The following ZNF385D variants were observed in gnomAD, a reference collection of about 807,000 sequenced individuals.
ZNF385D encodes zinc finger protein 385D.
A neutral mutation model predicts 35.8 loss-of-function variants in ZNF385D; 15 were observed. The observed-to-expected ratio is 0.42, with a 90% CI of 0.28 to 0.64. The LOEUF (loss-of-function observed/expected upper bound fraction) is 0.64, where lower values mean the gene tolerates loss of function less well. Ranked by LOEUF, ZNF385D falls within the 30% of genes least tolerant of loss-of-function variation. The probability of loss-of-function intolerance (pLI) is 0.23; values close to 1 mark genes in which losing one functional copy is unlikely to be tolerated. For missense variants in ZNF385D, 474 were observed against 494.6 expected (o/e 0.96, Z 0.39); for synonymous variants, 212 against 186.8 (o/e 1.13, Z -1.10).
intron 4 of ZNF385D, among the ~76,000 whole-genome samples, chr3:21,452,009 A>G (rs963539292): frequency 6.6e-6 from 1 of 152,040 alleles, no homozygotes; most frequent in Admixed American, 6.6e-5. Context: ...TTTCTGCACA[A>G]ATATTGCTAA....
At chr3:21,788,820 C>G (rs2071805161) in intron 3 of ZNF385D, among the ~76,000 whole-genome samples, 1 of 152,158 alleles carries the variant, frequency 6.6e-6, no homozygotes, top group African/African-American at 2.4e-5. Flanking sequence ...GATCCAACAA[C>G]TGTAGAAGTT....
intron 3 of ZNF385D, among the ~76,000 whole-genome samples, chr3:21,954,174 TTAA>T (rs1375480625): frequency 2.0e-5 from 3 of 151,914 alleles, no homozygotes; most frequent in Admixed American, 1.3e-4. Context: ...CTTTGCTGTG[TTAA>T]TAATTCTCTC....
chr3:21,456,101 G>C (rs1208734213), intron 4 of ZNF385D, among the ~76,000 whole-genome samples: 2 of 152,176 alleles, frequency 1.3e-5, no homozygotes, highest in Non-Finnish European at 2.9e-5. Flanking sequence ...TGCTGGAGAG[G>C]ATGTGGAGAA....
At chr3:22,171,730 A>G (rs1248495607) in intron 2 of ZNF385D, among the ~76,000 whole-genome samples, 2 of 151,868 alleles carry the variant, frequency 1.3e-5, no homozygotes, top group African/African-American at 4.8e-5. Flanking sequence ...ACAAGAAATT[A>G]GCCGGGCGTG....
At chr3:22,291,499 CTA>C (rs1488967875) in intron 2 of ZNF385D, among the ~76,000 whole-genome samples, 3 of 151,732 alleles carry the variant, frequency 2.0e-5, no homozygotes, top group Non-Finnish European at 4.4e-5. Flanking sequence ...AATAGCTTTC[CTA>C]TATATCTTTT....
intron 3 of ZNF385D, among the ~76,000 whole-genome samples, chr3:22,151,629 T>C (rs954928787): frequency 6.6e-6 from 1 of 152,128 alleles, no homozygotes; most frequent in African/African-American, 2.4e-5. Flanking sequence ...GTTTGCTCTA[T>C]TAAGGACTTC....
intron 4 of ZNF385D, among the ~76,000 whole-genome samples, chr3:21,454,868 G>C (rs977184700): frequency 6.6e-5 from 10 of 152,144 alleles, no homozygotes; most frequent in African/African-American, 2.4e-4. Flanking sequence ...ATCGCCTTAA[G>C]CTGATAAGCA....
At chr3:21,684,400 CTCTCCTCTCTCT>C (rs756723065) in intron 1 of ZNF385D, among the ~76,000 whole-genome samples, 7,408 of 78,360 alleles carry the variant, frequency 0.095, 317 homozygotes, top group East Asian at 0.15. Context: ...CTCTCTCTCT[CTCTCCTCTCTCT>C]CTCTCTCTCT....
chr3:21,787,783 C>T (rs946250602), intron 3 of ZNF385D, among the ~76,000 whole-genome samples: 1 of 151,580 alleles, frequency 6.6e-6, no homozygotes, highest in African/African-American at 2.4e-5. Flanking sequence ...TTCAGAGAGG[C>T]AATGTTAGGG....
intron 3 of ZNF385D, among the ~76,000 whole-genome samples, chr3:21,765,177 T>C (rs1292342184): frequency 6.6e-6 from 1 of 152,078 alleles, no homozygotes; most frequent in African/African-American, 2.4e-5. Context: ...AGGATACGCA[T>C]GTATAATCTC....
chr3:21,649,218 T>A (rs60445541), intron 2 of ZNF385D, among the ~76,000 whole-genome samples: 18,777 of 152,166 alleles, frequency 0.12, 1,230 homozygotes, highest in East Asian at 0.14. Flanking sequence ...TGACATTATA[T>A]GTTTATTTAT....
intron 2 of ZNF385D, among the ~76,000 whole-genome samples, chr3:22,354,995 G>T (rs921757866): frequency 1.3e-5 from 2 of 151,880 alleles, no homozygotes; most frequent in African/African-American, 4.8e-5. Context: ...AACATTGTTT[G>T]TACCCTTTAT....
chr3:21,595,455 T>C (rs1425180728), intron 2 of ZNF385D, among the ~76,000 whole-genome samples: 1 of 149,344 alleles, frequency 6.7e-6, no homozygotes, highest in African/African-American at 2.4e-5. Flanking sequence ...ATATGTAATA[T>C]GTATATGTAA....
intron 3 of ZNF385D, among the ~76,000 whole-genome samples, chr3:21,837,722 A>G (rs12629137): frequency 0.2 from 31,090 of 151,796 alleles, 3,325 homozygotes; most frequent in East Asian, 0.29. Flanking sequence ...AAATATAAAA[A>G]TTAGCTGGGT....
chr3:22,044,337 C>T (rs888681416), intron 3 of ZNF385D, among the ~76,000 whole-genome samples: 3 of 152,062 alleles, frequency 2.0e-5, no homozygotes, highest in Admixed American at 1.3e-4. Context: ...ATGTTTAGTA[C>T]ATGTCCTAAA....
intron 2 of ZNF385D, among the ~76,000 whole-genome samples, chr3:22,185,109 A>G (rs1217495996): frequency 6.6e-6 from 1 of 152,162 alleles, no homozygotes; most frequent in African/African-American, 2.4e-5. Context: ...ATAATCTACC[A>G]ATGAGAGAGC....
chr3:21,942,502 C>T (rs918690196), intron 3 of ZNF385D: 7 of 152,142 alleles, frequency 4.6e-5, no homozygotes, highest in African/African-American at 1.7e-4. Context: ...AATATCTAAG[C>T]GCTGCAGAAA....
At chr3:22,337,239 T>C (rs1413534741) in intron 2 of ZNF385D, among the ~76,000 whole-genome samples, 1 of 152,016 alleles carries the variant, frequency 6.6e-6, no homozygotes, top group Non-Finnish European at 1.5e-5. Flanking sequence ...ACAAATGCAG[T>C]TAAGATGCTT....
At chr3:21,564,534 T>C in intron 3 of ZNF385D, 40 bp downstream of exon 3, 1 of 1,273,984 alleles carries the variant, frequency 7.8e-7, no homozygotes, top group Non-Finnish European at 1.1e-6. Context: ...CAGCAAAATG[T>C]ATTTTTTTTT....
Sources: allele counts gnomAD v4.1 joint callset (sites outside exome capture counted in the v4.1 genomes callset), GRCh38; gene constraint gnomAD v4.1.1; transcripts MANE v1.5; gene names NCBI Gene and HGNC (gene_info 2026-07-23, HGNC 2026-07-21).